PEX3: variants seen among roughly 807,000 people sequenced by gnomAD.
PEX3 encodes the protein peroxisomal biogenesis factor 3, also known as peroxin-3.
PEX3 carries 30 observed loss-of-function variants against 55.8 expected under a neutral mutation model. The observed-to-expected ratio is 0.54, with a 90% CI of 0.40 to 0.73. The LOEUF (loss-of-function observed/expected upper bound fraction) is 0.73. PEX3 is among the 30% of genes least tolerant of loss of function. The pLI is 0.00. For missense variants in PEX3, 351 were observed against 432.8 expected (o/e 0.81, Z 1.68); for synonymous variants, 135 against 148.4 (o/e 0.91, Z 0.66).
Position 143,482,413 on chromosome 6 carries a change from TA to T in PEX3, c.942-2734del, listed in dbSNP as rs1251947439. On this transcript the variant is annotated intron_variant, in intron 10 of 11. Coordinates refer to ENST00000367591, the MANE Select transcript of PEX3 (RefSeq NM_003630.3). This position sits in a 1 kb window ranked among gnomAD's most constrained non-coding sequence, Gnocchi z 5.5. ...TACTTAGAAACCCAAGAGAGTCAAC[TA>T]AAAAGTGTAAAATTAGCCTTCCAAA... Among the ~76,000 whole-genome samples the T allele has an allele frequency of 1.3e-5, 2 of 152,058 alleles. No homozygotes were observed. Among genetic ancestry groups the T allele is most frequent in the African/African-American group, 2.4e-5 (1 of 41,452 alleles).
rs1176717558 is a variant in PEX3 at position 143,466,376 on chromosome 6, G to A, written c.288-1746G>A. 1.3e-5 allele frequency among the ~76,000 whole-genome samples: 2 copies of A among 152,042 alleles called. No individual in the cohort carries two copies. Among genetic ancestry groups the A allele is most frequent in the Non-Finnish European group, 2.9e-5 (2 of 67,948 alleles). ...TGTTAGTCACTTAGTAGCCATCTTG[G>A]CCATCAGATTGGATGTTGAGGTATT... On this transcript the variant is annotated intron_variant, in intron 3 of 11. Coordinates refer to ENST00000367591, the MANE Select transcript of PEX3 (RefSeq NM_003630.3). This position sits in a 1 kb window ranked among gnomAD's most constrained non-coding sequence, Gnocchi z 5.4.
chr6:143,487,013 G>A lies in PEX3; in HGVS notation c.1038+1765G>A, dbSNP rs2128748184. On this transcript the variant is annotated intron_variant, in intron 11 of 11. Transcript: ENST00000367591. This position sits in a 1 kb window ranked among gnomAD's most constrained non-coding sequence, Gnocchi z 5.3. ...CAGGCCATACTTTGCTGACCCCTTTGGTAGAAGATATTAGGATGGTAGTTG... is the reference window on the plus strand; with the variant it reads ...CAGGCCATACTTTGCTGACCCCTTTAGTAGAAGATATTAGGATGGTAGTTG... Among the ~76,000 whole-genome samples, 1 of 152,286 alleles carries A rather than the reference G, an allele frequency of 6.6e-6. No individual in the cohort carries two copies. The highest frequency in any genetic ancestry group is 1.5e-5 in the Non-Finnish European group (1 of 68,008).
Position 143,479,087 on chromosome 6 carries a change from G to A in PEX3, c.830G>A (p.Ser277Asn), listed in dbSNP as rs1257340701. Residue 277 changes from serine (S) to asparagine (N), a missense_variant, in exon 10 of 12, where the codon AGT becomes AAT. Coordinates refer to ENST00000367591, the MANE Select transcript of PEX3 (RefSeq NM_003630.3). This position sits in a 1 kb window ranked among gnomAD's most constrained non-coding sequence, Gnocchi z 4.6. ...CTTACTTTATATAGCCCAGATTTTA[G>A]TACAGTTTTGAATACCTGTTTAAAC... Reference protein sequence around the residue: ...TRDMLESPDFSTVLNTCLNRG... With the variant: ...TRDMLESPDFNTVLNTCLNRG... The A allele has an allele frequency of 6.4e-7, 1 of 1,570,016 alleles. No homozygotes were observed. Among genetic ancestry groups the A allele is most frequent in the East Asian group, 2.2e-5 (1 of 44,590 alleles).
chr6:143,479,469 G>T lies in PEX3; in HGVS notation c.941+271G>T, dbSNP rs1159288925. ...TTCTATAAGTTGAATTCCAATTATTGTTTTTTTTTAACTCTTTAGAATACA... is the reference window on the plus strand; with the variant it reads ...TTCTATAAGTTGAATTCCAATTATTTTTTTTTTTTAACTCTTTAGAATACA... On this transcript the variant is annotated intron_variant, in intron 10 of 11. Coordinates refer to ENST00000367591, the MANE Select transcript of PEX3 (RefSeq NM_003630.3). The surrounding 1 kb of genome is among the most constrained non-coding windows in gnomAD (Gnocchi z 4.6). 6.7e-6 allele frequency among the ~76,000 whole-genome samples: 1 copy of T among 150,156 alleles called. No individual in the cohort carries two copies. The highest frequency in any genetic ancestry group is 1.5e-5 in the Non-Finnish European group (1 of 67,386).
At position 143,466,394 on chromosome 6, in the gene PEX3, G is replaced by A. The variant is rs889370820; in HGVS notation, c.288-1728G>A. 2.0e-5 allele frequency among the ~76,000 whole-genome samples: 3 copies of A among 151,880 alleles called. No individual in the cohort carries two copies. Among genetic ancestry groups the A allele is most frequent in the African/African-American group, 7.2e-5 (3 of 41,432 alleles). On this transcript the variant is annotated intron_variant, in intron 3 of 11. Transcript: ENST00000367591. This position sits in a 1 kb window ranked among gnomAD's most constrained non-coding sequence, Gnocchi z 5.4. ...CATCTTGGCCATCAGATTGGATGTT[G>A]AGGTATTGCAGTGCTTTGTTTTTAA...
Position 143,486,886 on chromosome 6 carries a change from C to T in PEX3, c.1038+1638C>T, listed in dbSNP as rs181205151. ...TCTCTACAGAAACTATTCAACTCTG[C>T]TCTGGCAGTGTGAAAGCAGTCAGAA... On this transcript the variant is annotated intron_variant, in intron 11 of 11. Transcript: ENST00000367591. This position sits in a 1 kb window ranked among gnomAD's most constrained non-coding sequence, Gnocchi z 5.0. 3.1e-4 allele frequency among the ~76,000 whole-genome samples: 47 copies of T among 152,262 alleles called. No homozygotes were observed. The highest frequency in any genetic ancestry group is 1.1e-3 in the African/African-American group (46 of 41,566).
chr6:143,477,906 A>G (rs1169263181), intron 9 of PEX3, among the ~76,000 whole-genome samples: 1 of 152,096 alleles, frequency 6.6e-6, no homozygotes. Flanking sequence ...TTACCGTGCA[A>G]CCCAGCAATT....
intron 9 of PEX3, among the ~76,000 whole-genome samples, chr6:143,477,605 T>C (rs1334198813): frequency 6.6e-6 from 1 of 152,148 alleles, no homozygotes; most frequent in Non-Finnish European, 1.5e-5. Flanking sequence ...TCTATTTTTA[T>C]GTGTGTGAAA....
intron 9 of PEX3, among the ~76,000 whole-genome samples, chr6:143,478,468 A>G (rs1313548080): frequency 2.6e-5 from 4 of 152,144 alleles, no homozygotes; most frequent in Non-Finnish European, 5.9e-5. Flanking sequence ...AGGTAGGTAG[A>G]TAGAAAGATA....
In PEX3 at chr6:143,453,232, G is replaced by A. The variant is rs961502331; in HGVS notation, c.73+2117G>A. ...GCTGTACAGATCACACTGGCAAGTA[G>A]CATATGCAGTTGTGAAAAATCAGGA... On this transcript the variant is annotated intron_variant, in intron 1 of 11. Transcript: ENST00000367591. The surrounding 1 kb of genome is among the most constrained non-coding windows in gnomAD (Gnocchi z 4.6). Among the ~76,000 whole-genome samples the A allele has an allele frequency of 6.6e-6, 1 of 152,208 alleles. No homozygotes were observed. Among genetic ancestry groups the A allele is most frequent in the Non-Finnish European group, 1.5e-5 (1 of 68,032 alleles).
At position 143,451,212 on chromosome 6, in the gene PEX3, G is replaced by A; in HGVS notation, c.73+97G>A. The A allele has an allele frequency of 1.1e-6, 1 of 893,090 alleles. No individual in the cohort carries two copies. The highest frequency in any genetic ancestry group is 1.9e-6 in the Non-Finnish European group (1 of 531,568). 55.3% of individuals were successfully genotyped at this position (893,090 alleles called of 1,614,324 possible). ...GACAGGCCGGGCGATCCTAGTCTGG[G>A]ATATGTAGAGGGAGTTCGATCAACC... is the stretch of plus-strand genomic sequence containing the variant. On this transcript the variant is annotated intron_variant, in intron 1 of 11. Coordinates refer to ENST00000367591, the MANE Select transcript of PEX3 (RefSeq NM_003630.3). The surrounding 1 kb of genome is among the most constrained non-coding windows in gnomAD (Gnocchi z 4.1).
In PEX3 at chr6:143,475,117, CT is replaced by C. The variant is rs1780135094; in HGVS notation, c.818+267del. 6.6e-6 allele frequency among the ~76,000 whole-genome samples: 1 copy of C among 152,102 alleles called. No homozygotes were observed. Among genetic ancestry groups the C allele is most frequent in the African/African-American group, 2.4e-5 (1 of 41,408 alleles). ...TGTTTTTCCTCAGTAGGATTGTCCA[CT>C]TTTTTGTTATTCAGATTTCCACCTC... On this transcript the variant is annotated intron_variant, in intron 9 of 11. Transcript: ENST00000367591. The surrounding 1 kb of genome is among the most constrained non-coding windows in gnomAD (Gnocchi z 4.4).
At chr6:143,470,785 T>C (rs1202785790) in intron 4 of PEX3, among the ~76,000 whole-genome samples, 176 bp from the exon 5 acceptor site, 2 of 152,256 alleles carry the variant, frequency 1.3e-5, no homozygotes, top group African/African-American at 4.8e-5. Context: ...ACCTAATTTT[T>C]ATTAAACAAT....
chr6:143,476,209 G>C lies in PEX3; in HGVS notation c.818+1353G>C, dbSNP rs1238628846. Among the ~76,000 whole-genome samples the C allele has an allele frequency of 1.3e-5, 2 of 152,220 alleles. No individual in the cohort carries two copies. Among genetic ancestry groups the C allele is most frequent in the Non-Finnish European group, 2.9e-5 (2 of 68,038 alleles). ...GAATACAGTTCAAGGCAGAAGAACA[G>C]TTGCAGTGATCCTAATGCTTGGCCT... On this transcript the variant is annotated intron_variant, in intron 9 of 11. Coordinates refer to ENST00000367591, the MANE Select transcript of PEX3 (RefSeq NM_003630.3). The surrounding 1 kb of genome is among the most constrained non-coding windows in gnomAD (Gnocchi z 5.4).
rs919662757 is a variant in PEX3 at position 143,465,102 on chromosome 6, G to A, written c.287+2105G>A. On this transcript the variant is annotated intron_variant, in intron 3 of 11. Coordinates refer to ENST00000367591, the MANE Select transcript of PEX3 (RefSeq NM_003630.3). This position sits in a 1 kb window ranked among gnomAD's most constrained non-coding sequence, Gnocchi z 4.7. The stretch of plus-strand genomic sequence containing the variant: ...GAAGTAGAACACTTCGAAAAGATTC[G>A]TTTAATTCTCTTTACTTTTTATTTC... Among the ~76,000 whole-genome samples, 3 of 151,892 alleles carry A rather than the reference G, an allele frequency of 2.0e-5. No homozygotes were observed. Among genetic ancestry groups the A allele is most frequent in the African/African-American group, 4.8e-5 (2 of 41,398 alleles).
rs960412897 is a variant in PEX3 at position 143,453,033 on chromosome 6, G to A, written c.73+1918G>A. ...CTAAGAATTTAAGAAACTTGCCTCA[G>A]GTCTCAGAATTAGTGAAGGGGAACT... On this transcript the variant is annotated intron_variant, in intron 1 of 11. Transcript: ENST00000367591. The surrounding 1 kb of genome is among the most constrained non-coding windows in gnomAD (Gnocchi z 4.6). Among the ~76,000 whole-genome samples, 2 of 152,114 alleles carry A rather than the reference G, an allele frequency of 1.3e-5. No individual in the cohort carries two copies.
chr6:143,478,028 T>C (rs1352841155), intron 9 of PEX3, among the ~76,000 whole-genome samples: 1 of 152,090 alleles, frequency 6.6e-6, no homozygotes, highest in African/African-American at 2.4e-5. Context: ...CAGTCCAGAT[T>C]TCTATTAACT....
intron 1 of PEX3, among the ~76,000 whole-genome samples, chr6:143,455,261 C>G (rs1423291843): frequency 6.6e-6 from 1 of 151,168 alleles, no homozygotes; most frequent in Non-Finnish European, 1.5e-5. Flanking sequence ...GGCTCGATCT[C>G]GGCTCACGGC....
intron 4 of PEX3, among the ~76,000 whole-genome samples, chr6:143,468,811 C>CG (rs1798029124): frequency 2.7e-5 from 2 of 75,016 alleles, no homozygotes; most frequent in Non-Finnish European, 5.3e-5. Context: ...TCCCCCCCCC[C>CG]CCCACCCCAC....
Sources: allele counts gnomAD v4.1 joint callset (sites outside exome capture counted in the v4.1 genomes callset), GRCh38; gene constraint gnomAD v4.1.1; non-coding constraint Gnocchi (gnomAD v3.1); transcripts MANE v1.5; gene names NCBI Gene and HGNC (gene_info 2026-07-23, HGNC 2026-07-21).